The following PGR variants were observed in gnomAD, a reference collection of about 807,000 sequenced individuals.
The protein encoded by PGR is nuclear receptor subfamily 3 group C member 3.
Under a neutral mutation model 76.1 loss-of-function variants are expected in PGR, and 25 were observed. The observed-to-expected ratio is 0.33, with a 90% confidence interval of 0.24 to 0.46. PGR has a LOEUF of 0.46. Among genes scored for constraint, PGR ranks in the 20% least tolerant of loss-of-function variants. The pLI, the probability that PGR is intolerant of heterozygous loss-of-function variation, is 1.00. For synonymous variants in PGR, 579 were observed against 535.0 expected (o/e 1.08, Z -1.14); for missense variants, 1,172 against 1,225.3 (o/e 0.96, Z 0.65).
chr11:101,043,740 ATCCATAAGAGC>A (rs1859772073), intron 6 of PGR, among the ~76,000 whole-genome samples: 2 of 152,182 alleles, frequency 1.3e-5, no homozygotes, highest in Admixed American at 1.3e-4. Context: ...CCTTGTATAT[ATCCATAAGAGC>A]TCTTGGCTGA....
chr11:101,032,531 T>C lies in PGR; in HGVS notation c.*6585A>G, dbSNP rs1187694759. On this transcript the variant is annotated 3_prime_UTR_variant, in exon 8 of 8. Coordinates refer to ENST00000325455, the MANE Select transcript of PGR (RefSeq NM_000926.4). Reference sequence around the variant, plus strand: ...TCTCTCCCCATCAGGTTTGTGCAAATGTTGTTTGGGATACTCTTCTCTCTT... The same window carrying C: ...TCTCTCCCCATCAGGTTTGTGCAAACGTTGTTTGGGATACTCTTCTCTCTT... The C allele has an allele frequency of 4.3e-6, 1 of 232,320 alleles. No individual in the cohort carries two copies. Among genetic ancestry groups the C allele is most frequent in the African/African-American group, 2.2e-5 (1 of 45,300 alleles). The allele number at this position is 232,320 out of a possible 1,614,324, so 14.4% of individuals were successfully genotyped here. A position where few individuals can be genotyped will look rare whatever the true frequency, so the allele number is the denominator to read the frequency against.
chr11:101,048,660 A>G (rs1459443446), intron 6 of PGR, among the ~76,000 whole-genome samples: 4 of 152,172 alleles, frequency 2.6e-5, no homozygotes, highest in African/African-American at 9.7e-5. Flanking sequence ...CAGGACTGGA[A>G]GTTGCTCTGC....
At chr11:101,101,184 C>A (rs1861987207) in intron 2 of PGR, among the ~76,000 whole-genome samples, 1 of 151,964 alleles carries the variant, frequency 6.6e-6, no homozygotes, top group African/African-American at 2.4e-5. Flanking sequence ...TAATTCACAC[C>A]AACCAAAATT....
intron 3 of PGR, among the ~76,000 whole-genome samples, chr11:101,079,239 C>T (rs1861225242): frequency 6.6e-6 from 1 of 151,938 alleles, no homozygotes; most frequent in Non-Finnish European, 1.5e-5. Flanking sequence ...GTAGTAAGAC[C>T]TCAAGGCATA....
chr11:101,076,533 TATC>T (rs1431117049), intron 3 of PGR, among the ~76,000 whole-genome samples: 1 of 152,056 alleles, frequency 6.6e-6, no homozygotes, highest in African/African-American at 2.4e-5. Context: ...CTTATTTAAA[TATC>T]ATGCATTGAA....
chr11:101,088,326 T>C (rs1861561350), intron 3 of PGR, among the ~76,000 whole-genome samples: 2 of 152,142 alleles, frequency 1.3e-5, no homozygotes, highest in Non-Finnish European at 2.9e-5. Context: ...TTTGAACACT[T>C]CTCAAAAGAC....
In PGR at chr11:101,032,650, G is replaced by A. The variant is rs945533461; in HGVS notation, c.*6466C>T. ...CTAATTCCTAAACTGCTTATAGATT[G>A]TGGCTTAGCTTTGACTTTTTTCAGG... On this transcript the variant is annotated 3_prime_UTR_variant, in exon 8 of 8. Coordinates refer to ENST00000325455, the MANE Select transcript of PGR (RefSeq NM_000926.4). 4.1e-5 allele frequency: 9 copies of A among 220,804 alleles called. No individual in the cohort carries two copies. Among genetic ancestry groups the A allele is most frequent in the African/African-American group, 6.7e-5 (3 of 44,700 alleles). 13.7% of individuals were successfully genotyped at this position (220,804 alleles called of 1,614,324 possible).
chr11:101,072,513 A>T (rs1565344466), intron 3 of PGR, among the ~76,000 whole-genome samples: 1 of 152,364 alleles, frequency 6.6e-6, no homozygotes, highest in South Asian at 2.1e-4. Flanking sequence ...AAATGCCCCA[A>T]TTAAAAGACA....
At chr11:101,073,424 G>A (rs573227230) in intron 3 of PGR, among the ~76,000 whole-genome samples, 27 of 151,950 alleles carry the variant, frequency 1.8e-4, no homozygotes, top group African/African-American at 5.8e-4. Flanking sequence ...AAGAACTAGC[G>A]AAGCAAGAGC....
intron 4 of PGR, among the ~76,000 whole-genome samples, chr11:101,058,095 C>G (rs374372805): frequency 7.8e-4 from 119 of 152,184 alleles, no homozygotes; most frequent in Middle Eastern, 3.4e-3. Context: ...ACATATCTAC[C>G]TGGAAGGGAA....
intron 3 of PGR, among the ~76,000 whole-genome samples, chr11:101,083,685 T>C (rs1209712500): frequency 6.6e-6 from 1 of 152,192 alleles, no homozygotes; most frequent in African/African-American, 2.4e-5. Flanking sequence ...GGTTTTGAAC[T>C]TGCTTGGGGC....
chr11:101,107,865 T>TAAAAA (rs56355097), intron 2 of PGR, among the ~76,000 whole-genome samples: 32 of 119,228 alleles, frequency 2.7e-4, no homozygotes, highest in South Asian at 5.3e-4. Flanking sequence ...ACTGGCTTTG[T>TAAAAA]AAAAAAAAAA....
chr11:101,035,656 G>A lies in PGR; in HGVS notation c.*3460C>T, dbSNP rs544400423. 1.5e-4 allele frequency: 34 copies of A among 230,972 alleles called. No homozygotes were observed. Among genetic ancestry groups the A allele is most frequent in the African/African-American group, 7.5e-4 (34 of 45,314 alleles). The allele number at this position is 230,972 out of a possible 1,614,324, so 14.3% of individuals were successfully genotyped here. On this transcript the variant is annotated 3_prime_UTR_variant, in exon 8 of 8. Transcript: ENST00000325455. ...GACACTTAAAAATGTTAAAATCAGTGTCATTATTTTAAAATGTCTACAATG... is the reference window on the plus strand; with the variant it reads ...GACACTTAAAAATGTTAAAATCAGTATCATTATTTTAAAATGTCTACAATG...
chr11:101,088,327 C>A (rs1022435410), intron 3 of PGR, among the ~76,000 whole-genome samples: 2 of 152,168 alleles, frequency 1.3e-5, no homozygotes, highest in Admixed American at 6.5e-5. Flanking sequence ...TTGAACACTT[C>A]TCAAAAGACA....
In PGR at chr11:101,128,540, C is replaced by G. The variant is rs1186431573; in HGVS notation, c.531G>C (p.Gly177=). The part of the protein sequence containing the change: ...RSGCKVGDSS[G]TAAAHKVLPR... ...GCAGCACTTTATGGGCAGCTGCCGTCCCGGAGCTGTCTCCAACCTTGCACC... is the reference window on the plus strand; with the variant it reads ...GCAGCACTTTATGGGCAGCTGCCGTGCCGGAGCTGTCTCCAACCTTGCACC... The change falls in exon 1 of 8, where the codon GGG becomes GGC. Residue 177 remains glycine (G), a synonymous_variant. Coordinates refer to ENST00000325455, the MANE Select transcript of PGR (RefSeq NM_000926.4). The G allele has an allele frequency of 1.9e-6, 3 of 1,599,558 alleles. No individual in the cohort carries two copies. Among genetic ancestry groups the G allele is most frequent in the Non-Finnish European group, 2.6e-6 (3 of 1,176,314 alleles).
chr11:101,075,909 G>A (rs1385977248), intron 3 of PGR, among the ~76,000 whole-genome samples: 1 of 152,172 alleles, frequency 6.6e-6, no homozygotes, highest in East Asian at 1.9e-4. Flanking sequence ...AGACAGTGTG[G>A]TGATTCCTCA....
chr11:101,065,731 T>A (rs1026676765), intron 3 of PGR, among the ~76,000 whole-genome samples: 4 of 151,968 alleles, frequency 2.6e-5, no homozygotes, highest in African/African-American at 9.7e-5. Context: ...ATGACAGGCA[T>A]GGGAGCTTTG....
At chr11:101,047,007 A>G (rs1440289172) in intron 6 of PGR, among the ~76,000 whole-genome samples, 3 of 152,174 alleles carry the variant, frequency 2.0e-5, no homozygotes, top group Non-Finnish European at 4.4e-5. Flanking sequence ...CCCAAATCTC[A>G]TTAGAATCTT....
intron 2 of PGR, among the ~76,000 whole-genome samples, chr11:101,122,829 G>A (rs1248508036): frequency 6.6e-6 from 1 of 152,094 alleles, no homozygotes; most frequent in Non-Finnish European, 1.5e-5. Flanking sequence ...GAAACTGGCT[G>A]TTGGCTCCTG....
Sources: gnomAD v4.1 joint callset for allele counts (sites outside exome capture counted in the v4.1 genomes callset) on GRCh38, gnomAD v4.1.1 for gene constraint, MANE v1.5 for transcripts, NCBI Gene and HGNC (gene_info 2026-07-23, HGNC 2026-07-21) for gene names.